The following SEMA3A variants were observed in gnomAD, a reference collection of about 807,000 sequenced individuals.
SEMA3A encodes semaphorin-3A.
A neutral mutation model predicts 97.9 loss-of-function variants in SEMA3A; 29 were observed. That is an observed-to-expected ratio of 0.30 (90% CI 0.22 to 0.40). The LOEUF (loss-of-function observed/expected upper bound fraction) is 0.40, where lower values mean the gene tolerates loss of function less well. Among genes scored for constraint, SEMA3A ranks in the 10% least tolerant of loss-of-function variants. The pLI is 1.00. For missense variants in SEMA3A, 763 were observed against 951.3 expected (o/e 0.80, Z 2.60); for synonymous variants, 321 against 323.7 (o/e 0.99, Z 0.09).
At chr7:84,408,303 C>A (rs1480705125) in intron 1 of SEMA3A, among the ~76,000 whole-genome samples, 1 of 152,178 alleles carries the variant, frequency 6.6e-6, no homozygotes, top group South Asian at 2.1e-4. Flanking sequence ...TGCTCACCAT[C>A]ACTGGCCATC....
intron 6 of SEMA3A, among the ~76,000 whole-genome samples, chr7:84,015,390 C>G (rs1404793155): frequency 6.6e-6 from 1 of 152,078 alleles, no homozygotes; most frequent in Non-Finnish European, 1.5e-5. Context: ...GAATGTATAT[C>G]AGCAATATTT....
chr7:84,210,726 T>A (rs1434187136), intron 3 of SEMA3A, among the ~76,000 whole-genome samples: 7 of 151,918 alleles, frequency 4.6e-5, no homozygotes, highest in Non-Finnish European at 8.8e-5. Flanking sequence ...TTTCTCTTTT[T>A]TCTTTTTTCT....
intron 1 of SEMA3A, among the ~76,000 whole-genome samples, chr7:84,425,598 A>G (rs1804797783): frequency 1.4e-5 from 2 of 145,738 alleles, no homozygotes; most frequent in Non-Finnish European, 3.0e-5. Flanking sequence ...ATATAAACAT[A>G]TTGATATAAA....
intron 1 of SEMA3A, among the ~76,000 whole-genome samples, chr7:84,454,922 C>T (rs1160455969): frequency 6.6e-6 from 1 of 151,874 alleles, no homozygotes; most frequent in Non-Finnish European, 1.5e-5. Context: ...ATTATATTAA[C>T]AAGTAGCACC....
At position 83,965,649 on chromosome 7, in the gene SEMA3A, TA is replaced by T. The variant is rs1562943476; in HGVS notation, c.1718-2303del. ...GTGCATATATATATATATATATATA[TA>T]TATATATATATATATATTTTTTTTT... On this transcript the variant is annotated intron_variant, in intron 15 of 16. Coordinates refer to ENST00000265362, the MANE Select transcript of SEMA3A (RefSeq NM_006080.3). 7.4e-3 allele frequency among the ~76,000 whole-genome samples: 90 copies of T among 12,084 alleles called. 2 individuals carry two copies. The highest frequency in any genetic ancestry group is 0.011 in the Non-Finnish European group (57 of 5,130). 7.9% of individuals were successfully genotyped at this position (12,084 alleles called of 152,430 possible).
At chr7:84,245,790 A>G (rs919193073) in intron 3 of SEMA3A, among the ~76,000 whole-genome samples, 2 of 151,756 alleles carry the variant, frequency 1.3e-5, no homozygotes, top group African/African-American at 4.8e-5. Flanking sequence ...GTGTCTGTTG[A>G]CCCCTGCTGG....
chr7:84,155,018 T>A (rs1796797533), intron 1 of SEMA3A, among the ~76,000 whole-genome samples: 1 of 152,142 alleles, frequency 6.6e-6, no homozygotes, highest in African/African-American at 2.4e-5. Context: ...TGTCCACCTC[T>A]CTTTGAGAGC....
intron 1 of SEMA3A, among the ~76,000 whole-genome samples, chr7:84,161,962 C>G (rs1006556041): frequency 2.6e-5 from 4 of 152,078 alleles, no homozygotes; most frequent in African/African-American, 9.7e-5. Context: ...CTGCTTGGCT[C>G]TGCAATAATT....
rs111780630 is a variant in SEMA3A at position 84,367,066 on chromosome 7, T to C, written c.-169+4758A>G. ...ATGTTCAGGGGCTTGACCATTTATA[T>C]ATGACATATGTCTCTGAATCTGATT... On this transcript the variant is annotated intron_variant, in intron 2 of 3. Coordinates refer to the SEMA3A transcript ENST00000424555. Among the ~76,000 whole-genome samples the C allele has an allele frequency of 5.3e-3, 800 of 151,412 alleles. 8 individuals are homozygous for C. The highest frequency in any genetic ancestry group is 0.018 in the African/African-American group (756 of 41,466).
At chr7:84,052,343 C>A (rs1297371055) in intron 5 of SEMA3A, among the ~76,000 whole-genome samples, 5 of 152,094 alleles carry the variant, frequency 3.3e-5, no homozygotes, top group African/African-American at 7.2e-5. Context: ...TCTAGTCCTG[C>A]ACTCTTTTTG....
chr7:84,313,352 GTGTGTA>G lies in SEMA3A; in HGVS notation c.-168-6066_-168-6061del, dbSNP rs1400565353. Among the ~76,000 whole-genome samples, 346 of 83,382 alleles carry G rather than the reference GTGTGTA, an allele frequency of 4.1e-3. 24 individuals are homozygous for G. The highest frequency in any genetic ancestry group is 0.012 in the South Asian group (33 of 2,690). 54.7% of individuals were successfully genotyped at this position (83,382 alleles called of 152,430 possible). On this transcript the variant is annotated intron_variant, in intron 2 of 3. Transcript: ENST00000424555. Reference sequence around the variant, plus strand: ...TACATATATATATATGTATATGTGTGTGTGTATATATATATATATATATATATATAT... The same window carrying G: ...TACATATATATATATGTATATGTGTGTATATATATATATATATATATATAT...
At chr7:84,366,724 A>T (rs1021789970) in intron 2 of SEMA3A, among the ~76,000 whole-genome samples, 3 of 151,412 alleles carry the variant, frequency 2.0e-5, no homozygotes, top group African/African-American at 7.3e-5. Flanking sequence ...GTTCATCCAT[A>T]AACAACAACT....
intron 1 of SEMA3A, among the ~76,000 whole-genome samples, chr7:84,410,008 G>A (rs115882755): frequency 6.6e-6 from 1 of 152,016 alleles, no homozygotes; most frequent in Non-Finnish European, 1.5e-5. Flanking sequence ...TGATTCATAA[G>A]GATCACGTAG....
chr7:84,042,290 T>G (rs1792161927), intron 6 of SEMA3A, among the ~76,000 whole-genome samples: 4 of 151,948 alleles, frequency 2.6e-5, no homozygotes, highest in Non-Finnish European at 5.9e-5. Context: ...AGCAAGTGAG[T>G]TAGTCTATCT....
At position 84,442,301 on chromosome 7, in the gene SEMA3A, G is replaced by A. The variant is rs191685104; in HGVS notation, c.-246+50159C>T. Among the ~76,000 whole-genome samples, 54 of 152,192 alleles carry A rather than the reference G, an allele frequency of 3.5e-4. No individual in the cohort carries two copies. In the Middle Eastern group the frequency reaches 0.014, roughly 39 times the overall value. ...TTTTGAACACACAATGTATAAAGAT[G>A]TTAATTTTTAACATCCAAAACTAAA... On this transcript the variant is annotated intron_variant, in intron 1 of 3. Coordinates refer to the SEMA3A transcript ENST00000424555.
chr7:84,361,296 A>T (rs1802713105), intron 2 of SEMA3A, among the ~76,000 whole-genome samples: 1 of 152,060 alleles, frequency 6.6e-6, no homozygotes, highest in Non-Finnish European at 1.5e-5. Context: ...AACTTCAATA[A>T]ATTTTAAGAT....
rs145525650 is a variant in SEMA3A at position 84,426,482 on chromosome 7, T to C, written c.-245-54582A>G. ...AGAATGAAACTAACACTGCACAAAT[T>C]ATGTAGTGATAAGATTAAGAGAGAT... On this transcript the variant is annotated intron_variant, in intron 1 of 3. Coordinates refer to the SEMA3A transcript ENST00000424555. Among the ~76,000 whole-genome samples, 190 of 152,206 alleles carry C rather than the reference T, an allele frequency of 1.2e-3. 2 individuals carry two copies. Among genetic ancestry groups the C allele is most frequent in the African/African-American group, 4.4e-3 (184 of 41,554 alleles).
chr7:83,984,336 T>C (rs914039188), intron 13 of SEMA3A, among the ~76,000 whole-genome samples: 5 of 151,620 alleles, frequency 3.3e-5, no homozygotes, highest in Non-Finnish European at 5.9e-5. Flanking sequence ...AAGATAACAG[T>C]ATCAGGTCAA....
intron 15 of SEMA3A, 70 bp downstream of exon 15, chr7:83,977,062 A>T: frequency 1.2e-6 from 1 of 816,794 alleles, no homozygotes; most frequent in Non-Finnish European, 1.9e-6. Context: ...TTGCATGCAT[A>T]TGCATGAATA....
Sources: allele counts gnomAD v4.1 joint callset (sites outside exome capture counted in the v4.1 genomes callset), GRCh38; gene constraint gnomAD v4.1.1; transcripts MANE v1.5; gene names NCBI Gene and HGNC (gene_info 2026-07-23, HGNC 2026-07-21).